PDE11A: variants seen among roughly 807,000 people sequenced by gnomAD.
PDE11A encodes the protein dual 3',5'-cyclic-AMP and -GMP phosphodiesterase 11A.
PDE11A carries 100 observed loss-of-function variants against 100.5 expected under a neutral mutation model. The observed-to-expected ratio is 1.00, with a 90% CI of 0.85 to 1.18. PDE11A has a LOEUF of 1.18. Ranked by LOEUF, PDE11A falls within the 50% of genes most tolerant of loss-of-function variation. The probability of loss-of-function intolerance (pLI) is 0.00; values close to 1 mark genes in which losing one functional copy is unlikely to be tolerated. For missense variants in PDE11A, 1,141 were observed against 1,152.6 expected (o/e 0.99, Z 0.15); for synonymous variants, 381 against 420.8 (o/e 0.91, Z 1.16).
chr2:177,843,285 T>A (rs111856114), intron 5 of PDE11A, among the ~76,000 whole-genome samples: 1 of 152,176 alleles, frequency 6.6e-6, no homozygotes, highest in Non-Finnish European at 1.5e-5. Context: ...TCCTAAATTA[T>A]AGTATTTTTC....
intron 19 of PDE11A, among the ~76,000 whole-genome samples, chr2:177,660,418 C>T (rs774491330): frequency 2.6e-5 from 4 of 152,030 alleles, no homozygotes; most frequent in South Asian, 2.1e-4. Context: ...CAGCCTCTCT[C>T]GTTGACAATA....
intron 4 of PDE11A, 24 bp from the exon 5 acceptor site, chr2:177,875,947 TC>T: frequency 7.0e-7 from 1 of 1,434,874 alleles, no homozygotes; most frequent in Non-Finnish European, 9.8e-7. Flanking sequence ...AGATAATAAA[TC>T]CAGGTCAATT....
intron 9 of PDE11A, among the ~76,000 whole-genome samples, chr2:177,777,842 C>T (rs549845636): frequency 1.3e-5 from 2 of 152,182 alleles, no homozygotes; most frequent in African/African-American, 4.8e-5. Context: ...ATCCACAGAA[C>T]ACTTGATGAG....
Position 177,858,401 on chromosome 2 carries a change from GAAA to G in PDE11A, c.1367+17455_1367+17457del, listed in dbSNP as rs202199119. On this transcript the variant is annotated intron_variant, in intron 5 of 19. Coordinates refer to ENST00000286063, the MANE Select transcript of PDE11A (RefSeq NM_016953.4). ...ACAATTAACTCAAACAAATTTACAA[GAAA>G]AAAAAAAAACCACATCAAAAAGTGG... is the stretch of plus-strand genomic sequence containing the variant. 7.7e-3 allele frequency among the ~76,000 whole-genome samples: 1,087 copies of G among 140,462 alleles called. 11 individuals carry two copies. The highest frequency in any genetic ancestry group is 0.027 in the African/African-American group (1,011 of 38,068). 92.1% of individuals were successfully genotyped at this position (140,462 alleles called of 152,430 possible).
chr2:177,950,836 G>A (rs1348114178), intron 2 of PDE11A, among the ~76,000 whole-genome samples: 7 of 152,168 alleles, frequency 4.6e-5, no homozygotes, highest in African/African-American at 9.7e-5. Flanking sequence ...GCATGAACCC[G>A]GGAGGCGGAG....
chr2:178,063,235 C>T (rs1450314595), intron 1 of PDE11A, among the ~76,000 whole-genome samples: 1 of 152,136 alleles, frequency 6.6e-6, no homozygotes, highest in Admixed American at 6.5e-5. Flanking sequence ...TTATTATGGA[C>T]TCTAAATCCT....
intron 1 of PDE11A, among the ~76,000 whole-genome samples, chr2:178,030,101 A>C (rs912272330): frequency 6.6e-6 from 1 of 152,172 alleles, no homozygotes; most frequent in African/African-American, 2.4e-5. Flanking sequence ...CTAAGACAAA[A>C]ATTAACAAAG....
intron 1 of PDE11A, among the ~76,000 whole-genome samples, chr2:178,069,363 A>G (rs1170454139): frequency 1.3e-5 from 2 of 152,200 alleles, no homozygotes; most frequent in Admixed American, 1.3e-4. Flanking sequence ...AAAGAAGAGT[A>G]GCATAAGTAA....
Position 177,728,070 on chromosome 2 carries a change from A to G in PDE11A, c.1891T>C (p.Phe631Leu), listed in dbSNP as rs769132488. 6.2e-7 allele frequency: 1 copy of G among 1,613,082 alleles called. No individual in the cohort carries two copies. The highest frequency in any genetic ancestry group is 1.1e-5 in the South Asian group (1 of 91,068). ...TTCTGTACCATCCCCAGCTCCATGA[A>G]CATCCGGAGAGCAGCTGTGATCATG... ...DAMITAALRM[F>L]MELGMVQKFK... The change falls in exon 11 of 20, where the codon TTC (phenylalanine) becomes CTC (leucine). Residue 631 changes from phenylalanine (F) to leucine (L), a missense_variant. Physicochemically the swap from Phe to Leu is conservative, Grantham distance 22 (BLOSUM62 0). Coordinates refer to ENST00000286063, the MANE Select transcript of PDE11A (RefSeq NM_016953.4).
intron 19 of PDE11A, among the ~76,000 whole-genome samples, chr2:177,652,745 A>C (rs1409726613): frequency 6.6e-6 from 1 of 152,196 alleles, no homozygotes; most frequent in Non-Finnish European, 1.5e-5. Context: ...CTAATAGAGA[A>C]GAAAAAATAC....
chr2:178,054,079 C>T (rs1202796713), intron 1 of PDE11A, among the ~76,000 whole-genome samples: 1 of 152,154 alleles, frequency 6.6e-6, no homozygotes, highest in Non-Finnish European at 1.5e-5. Flanking sequence ...AAGAACAAAG[C>T]TGGAGGCGTC....
At chr2:177,858,509 T>C (rs2083885280) in intron 5 of PDE11A, among the ~76,000 whole-genome samples, 1 of 151,874 alleles carries the variant, frequency 6.6e-6, no homozygotes. Flanking sequence ...TCATCATCAC[T>C]GGCCATCAGA....
intron 2 of PDE11A, among the ~76,000 whole-genome samples, chr2:177,966,245 G>C (rs1195596024): frequency 2.0e-5 from 3 of 152,106 alleles, no homozygotes; most frequent in Non-Finnish European, 4.4e-5. Context: ...ACCAGATCTA[G>C]GAGCTTTGGG....
At chr2:177,902,434 A>G (rs761291540) in intron 3 of PDE11A, among the ~76,000 whole-genome samples, 14 of 152,200 alleles carry the variant, frequency 9.2e-5, no homozygotes, top group Non-Finnish European at 1.6e-4. Context: ...GACTCTCTTC[A>G]CACGGATGTG....
intron 10 of PDE11A, among the ~76,000 whole-genome samples, chr2:177,768,056 A>G (rs1177832752): frequency 6.6e-6 from 1 of 152,170 alleles, no homozygotes; most frequent in Non-Finnish European, 1.5e-5. Context: ...TCCCCAAAGC[A>G]TCTCTCTATG....
chr2:177,678,057 A>G (rs970247186), intron 16 of PDE11A: 1 of 152,266 alleles, frequency 6.6e-6, no homozygotes, highest in Admixed American at 6.5e-5. Context: ...TAACAAAAAT[A>G]TGACACTTTG....
At chr2:178,098,890 T>G (rs937216553) in intron 2 of PDE11A, among the ~76,000 whole-genome samples, 1 of 152,210 alleles carries the variant, frequency 6.6e-6, no homozygotes, top group Admixed American at 6.5e-5. Flanking sequence ...CCTAATAAGA[T>G]AGTTTAGCTA....
chr2:177,871,525 A>AATTATTATT (rs142275376), intron 5 of PDE11A, among the ~76,000 whole-genome samples: 35 of 138,266 alleles, frequency 2.5e-4, no homozygotes, highest in East Asian at 1.5e-3. Flanking sequence ...GTCAGTAGTA[A>AATTATTATT]ATTATTATTA....
chr2:177,838,054 G>GGCC (rs1019726533), intron 6 of PDE11A, among the ~76,000 whole-genome samples: 3 of 151,998 alleles, frequency 2.0e-5, no homozygotes, highest in Admixed American at 1.3e-4. Flanking sequence ...ACACATGAGA[G>GGCC]GCCCTAAAAT....
Sources: gnomAD v4.1 joint callset for allele counts (sites outside exome capture counted in the v4.1 genomes callset) on GRCh38, gnomAD v4.1.1 for gene constraint, MANE v1.5 for transcripts, NCBI Gene and HGNC (gene_info 2026-07-23, HGNC 2026-07-21) for gene names.